Variants in AFG1L observed in about 807,000 individuals in gnomAD.
AFG1L encodes AFG1 like ATPase, also known as AFG1-like ATPase.
A neutral mutation model predicts 62.2 loss-of-function variants in AFG1L; 53 were observed. The observed-to-expected ratio is 0.85, with a 90% CI of 0.68 to 1.07. The LOEUF is 1.07. AFG1L is among the 50% of genes least tolerant of loss of function. The probability of loss-of-function intolerance (pLI) is 0.00; values close to 1 mark genes in which losing one functional copy is unlikely to be tolerated. For synonymous variants in AFG1L, 228 were observed against 210.3 expected (o/e 1.08, Z -0.73); for missense variants, 555 against 590.5 (o/e 0.94, Z 0.62).
chr6:108,521,097 C>T (rs1775107232), intron 12 of AFG1L: 1 of 152,202 alleles, frequency 6.6e-6, no homozygotes, highest in Non-Finnish European at 1.5e-5. Context: ...CTGAAACCAT[C>T]CCCCTGCCCC....
intron 7 of AFG1L, among the ~76,000 whole-genome samples, chr6:108,440,076 CTT>C: frequency 6.6e-6 from 1 of 152,224 alleles, no homozygotes; most frequent in African/African-American, 2.4e-5. Context: ...TATAAACAAA[CTT>C]TTTTCTGAGA....
At chr6:108,450,254 C>T (rs1771995903) in intron 8 of AFG1L, among the ~76,000 whole-genome samples, 1 of 152,218 alleles carries the variant, frequency 6.6e-6, no homozygotes, top group African/African-American at 2.4e-5. Flanking sequence ...CACATCCTCT[C>T]CAGCACCTGT....
At chr6:108,498,973 C>CA (rs966496430) in intron 10 of AFG1L, among the ~76,000 whole-genome samples, 3 of 151,486 alleles carry the variant, frequency 2.0e-5, no homozygotes, top group Admixed American at 2.0e-4. Context: ...GACTCTATTT[C>CA]AAAAATATAT....
intron 6 of AFG1L, among the ~76,000 whole-genome samples, chr6:108,380,163 T>C (rs1780436380): frequency 6.8e-6 from 1 of 146,062 alleles, no homozygotes; most frequent in Non-Finnish European, 1.5e-5. Flanking sequence ...AGGATCTCTG[T>C]TCAGGAAGGG....
intron 8 of AFG1L, among the ~76,000 whole-genome samples, chr6:108,455,975 C>A (rs1464906189): frequency 6.6e-6 from 1 of 152,110 alleles, no homozygotes; most frequent in African/African-American, 2.4e-5. Flanking sequence ...TTCAAGTCTC[C>A]TATATTCTTA....
intron 6 of AFG1L, among the ~76,000 whole-genome samples, chr6:108,384,062 A>G (rs1196590619): frequency 1.0e-5 from 1 of 98,636 alleles, no homozygotes; most frequent in Non-Finnish European, 1.8e-5. Flanking sequence ...CCTGGAGAGT[A>G]AAAAAAAAAA....
At chr6:108,378,866 T>C (rs1417895622) in intron 6 of AFG1L, among the ~76,000 whole-genome samples, 1 of 151,752 alleles carries the variant, frequency 6.6e-6, no homozygotes, top group African/African-American at 2.4e-5. Flanking sequence ...ATTATTATTA[T>C]TATTAATTCT....
In AFG1L at chr6:108,522,317, CA is replaced by C; in HGVS notation, c.1339del (p.Met447CysfsTer79). On this transcript the variant is annotated frameshift_variant, in exon 13 of 13. Transcript: ENST00000368977. LOFTEE classifies it high-confidence loss of function. ...LSQDSAEGLSMFTGEEEIFAF... is the reference protein window; with the variant it reads ...LSQDSAEGLSXFTGEEEIFAF... ...ACCAGGATTCAGCAGAAGGACTCTC[CA>C]TGTTTACCGGAGAAGAGGAAATCTT... is the stretch of plus-strand genomic sequence containing the variant. The C allele has an allele frequency of 6.2e-7, 1 of 1,613,624 alleles. No homozygotes were observed.
At chr6:108,444,286 T>TA (rs1004807801) in intron 7 of AFG1L, among the ~76,000 whole-genome samples, 3 of 152,164 alleles carry the variant, frequency 2.0e-5, no homozygotes, top group Non-Finnish European at 2.9e-5. Context: ...AAACCTTAAT[T>TA]AAAAAAATAC....
intron 7 of AFG1L, among the ~76,000 whole-genome samples, chr6:108,424,806 T>C (rs928951529): frequency 2.6e-4 from 39 of 152,184 alleles, no homozygotes; most frequent in African/African-American, 9.4e-4. Flanking sequence ...ATAGTAATGT[T>C]TGTGAATTTT....
intron 3 of AFG1L, among the ~76,000 whole-genome samples, chr6:108,352,550 T>A (rs1779125236): frequency 6.6e-6 from 1 of 152,182 alleles, no homozygotes; most frequent in Admixed American, 6.5e-5. Context: ...CTATATTGTT[T>A]TTTGTTTATG....
At chr6:108,476,705 T>C (rs1198894795) in intron 8 of AFG1L, among the ~76,000 whole-genome samples, 160 bp from the exon 9 acceptor site, 1 of 152,230 alleles carries the variant, frequency 6.6e-6, no homozygotes, top group African/African-American at 2.4e-5. Context: ...AGAGTTAATA[T>C]TCTCTGCTTT....
At position 108,393,875 on chromosome 6, in the gene AFG1L, ATAGT is replaced by A. The variant is rs1781172522; in HGVS notation, c.749-8118_749-8115del. Among the ~76,000 whole-genome samples the A allele has an allele frequency of 3.9e-5, 6 of 152,302 alleles. No homozygotes were observed. The South Asian group carries it at 1.0e-3, about 26-fold the overall frequency. On this transcript the variant is annotated intron_variant, in intron 6 of 12. Coordinates refer to ENST00000368977, the MANE Select transcript of AFG1L (RefSeq NM_145315.5). ...ATAGTTGACATATAATAGGCTGCACATAGTTAAAGGATACAATTTTTAAAATACT... is the reference window on the plus strand; with the variant it reads ...ATAGTTGACATATAATAGGCTGCACATAAAGGATACAATTTTTAAAATACT...
intron 6 of AFG1L, among the ~76,000 whole-genome samples, chr6:108,381,997 GTTTTTTTTT>G (rs768825605): frequency 8.5e-6 from 1 of 118,328 alleles, no homozygotes; most frequent in African/African-American, 3.1e-5. Context: ...TTTATTCACT[GTTTTTTTTT>G]TTTTTTTTTT....
chr6:108,383,247 A>C (rs1006140129), intron 6 of AFG1L, among the ~76,000 whole-genome samples: 1 of 152,166 alleles, frequency 6.6e-6, no homozygotes, highest in Admixed American at 6.5e-5. Context: ...TAAATAAATA[A>C]ATTAAATTAA....
chr6:108,457,414 T>C (rs756608363), intron 8 of AFG1L, among the ~76,000 whole-genome samples: 2 of 152,022 alleles, frequency 1.3e-5, no homozygotes, highest in African/African-American at 2.4e-5. Flanking sequence ...CAAGTAAGAG[T>C]ACAACACTTG....
At chr6:108,447,141 A>G (rs1771841958) in intron 7 of AFG1L, 73 bp from the exon 8 acceptor site, 1 of 655,786 alleles carries the variant, frequency 1.5e-6, no homozygotes, top group Non-Finnish European at 2.6e-6. Flanking sequence ...TTAAAAATGT[A>G]TAGTATAAGG....
chr6:108,522,368 A>T lies in AFG1L; in HGVS notation c.1389A>T (p.Arg463=). The change falls in exon 13 of 13, where the codon CGA becomes CGT. Residue 463 remains arginine (R), a synonymous_variant. Coordinates refer to ENST00000368977, the MANE Select transcript of AFG1L (RefSeq NM_145315.5). ...TTGCATTTCAGCGCACAATTTCCCG[A>T]CTCACGGAAATGCAGACTGAACAGT... ...EIFAFQRTIS[R]LTEMQTEQYW... is the part of the protein sequence containing the mutation. The T allele has an allele frequency of 6.2e-7, 1 of 1,614,074 alleles. No individual in the cohort carries two copies. Among genetic ancestry groups the T allele is most frequent in the Non-Finnish European group, 8.5e-7 (1 of 1,179,946 alleles).
intron 3 of AFG1L, among the ~76,000 whole-genome samples, chr6:108,349,274 A>G (rs1778983248): frequency 1.3e-5 from 2 of 152,092 alleles, no homozygotes; most frequent in Non-Finnish European, 2.9e-5. Flanking sequence ...GCCTAAGCCC[A>G]GGAGTTCAAG....
Sources: gnomAD v4.1 joint callset for allele counts (sites outside exome capture counted in the v4.1 genomes callset) on GRCh38, gnomAD v4.1.1 for gene constraint, MANE v1.5 for transcripts, NCBI Gene and HGNC (gene_info 2026-07-23, HGNC 2026-07-21) for gene names.